Variants in RNF216 observed in about 807,000 individuals in gnomAD.
RNF216 encodes the protein E3 ubiquitin-protein ligase RNF216.
A neutral mutation model predicts 110.8 loss-of-function variants in RNF216; 72 were observed. That is an observed-to-expected ratio of 0.65 (90% CI 0.54 to 0.79). RNF216 has a LOEUF of 0.79. Ranked by LOEUF, RNF216 falls within the 30% of genes least tolerant of loss-of-function variation. RNF216 has a pLI of 0.00. For missense variants in RNF216, 1,342 were observed against 1,141.2 expected (o/e 1.18, Z -2.54); for synonymous variants, 495 against 407.5 (o/e 1.21, Z -2.59).
At chr7:5,631,022 T>C (rs1211029429) in intron 15 of RNF216, among the ~76,000 whole-genome samples, 2 of 152,242 alleles carry the variant, frequency 1.3e-5, no homozygotes, top group Non-Finnish European at 2.9e-5. Flanking sequence ...GCAACTGTTC[T>C]AAGGTGTGCT....
chr7:5,627,339 G>A (rs1786773416), intron 15 of RNF216, among the ~76,000 whole-genome samples: 1 of 152,242 alleles, frequency 6.6e-6, no homozygotes, highest in East Asian at 1.9e-4. Flanking sequence ...TGCAGACACA[G>A]TGAGGAGTGT....
In RNF216 at chr7:5,620,448, C is replaced by G. The variant is rs368171236; in HGVS notation, c.*2412G>C. 1 of 152,314 alleles carries G rather than the reference C, an allele frequency of 6.6e-6. No homozygotes were observed. Among genetic ancestry groups the G allele is most frequent in the East Asian group, 1.9e-4 (1 of 5,186 alleles). The allele number at this position is 152,314 out of a possible 1,614,324, so 9.4% of individuals were successfully genotyped here. On this transcript the variant is annotated 3_prime_UTR_variant, in exon 17 of 17. Coordinates refer to ENST00000389902, the MANE Select transcript of RNF216 (RefSeq NM_207111.4). ...GTCTGAAGACCCCCAGTGCTTCTCTCCCCAATGCTGTCACTGGTCCAGGCA... is the reference window on the plus strand; with the variant it reads ...GTCTGAAGACCCCCAGTGCTTCTCTGCCCAATGCTGTCACTGGTCCAGGCA...
At chr7:5,764,572 C>T (rs932028923) in intron 1 of RNF216, among the ~76,000 whole-genome samples, 19 of 150,998 alleles carry the variant, frequency 1.3e-4, no homozygotes, top group Admixed American at 6.6e-4. Flanking sequence ...CGCTTGAACC[C>T]GGGAGGCGGA....
rs189661572 is a variant in RNF216, at chr7:5,664,942, G to C, written c.2062-12432C>G. Among the ~76,000 whole-genome samples, 754 of 152,192 alleles carry C rather than the reference G, an allele frequency of 5.0e-3. 9 individuals carry two copies. The highest frequency in any genetic ancestry group is 0.035 in the Admixed American group (538 of 15,286). ...CTCCCAAGTAGCTGGGATTACAGGC[G>C]CCCGCCACCAGGCCTGGCTAATTTT... On this transcript the variant is annotated intron_variant, in intron 13 of 16. Transcript: ENST00000389902.
intron 14 of RNF216, among the ~76,000 whole-genome samples, chr7:5,642,231 G>A (rs897283578): frequency 8.8e-6 from 1 of 113,128 alleles, no homozygotes; most frequent in Admixed American, 9.4e-5. Context: ...TTTTTTTTTT[G>A]AGACAGAGTC....
rs762464972 is a variant in RNF216 at position 5,741,138 on chromosome 7, G to T, written c.879C>A (p.Ala293=). The part of the protein sequence containing the change: ...GISGPSSPQP[A]HPLGEFEDQQ... The stretch of plus-strand genomic sequence containing the variant: ...GGTCTTCAAACTCTCCTAGAGGATG[G>T]GCAGGCTGAGGAGAAGAGGGGCCTG... The change falls in exon 4 of 17, where the codon GCC becomes GCA. Residue 293 remains alanine, a synonymous_variant. Transcript: ENST00000389902. The T allele has an allele frequency of 6.2e-7, 1 of 1,614,114 alleles. No individual in the cohort carries two copies. Among genetic ancestry groups the T allele is most frequent in the Non-Finnish European group, 8.5e-7 (1 of 1,180,024 alleles).
chr7:5,678,583 T>C (rs940153183), intron 13 of RNF216, among the ~76,000 whole-genome samples: 1 of 152,222 alleles, frequency 6.6e-6, no homozygotes, highest in South Asian at 2.1e-4. Flanking sequence ...CTCTCCCAGC[T>C]TCAGCTTCCC....
intron 1 of RNF216, among the ~76,000 whole-genome samples, chr7:5,772,130 C>T (rs1457038684): frequency 1.3e-5 from 2 of 151,542 alleles, no homozygotes; most frequent in Non-Finnish European, 2.9e-5. Flanking sequence ...CTACTCAGGA[C>T]GCTGAGGCAG....
At chr7:5,648,041 C>G (rs1022795330) in intron 14 of RNF216, among the ~76,000 whole-genome samples, 1 of 152,076 alleles carries the variant, frequency 6.6e-6, no homozygotes, top group African/African-American at 2.4e-5. Flanking sequence ...TTGAGATGCA[C>G]AGAGCCACCT....
chr7:5,769,130 T>C (rs1010171564), intron 1 of RNF216, among the ~76,000 whole-genome samples: 2 of 151,706 alleles, frequency 1.3e-5, no homozygotes, highest in African/African-American at 4.8e-5. Flanking sequence ...CCTTTTTTTT[T>C]TTTTTTTTGA....
intron 13 of RNF216, among the ~76,000 whole-genome samples, chr7:5,710,440 A>G (rs1289974884): frequency 6.6e-6 from 1 of 152,026 alleles, no homozygotes; most frequent in African/African-American, 2.4e-5. Flanking sequence ...TCCCAATTGT[A>G]CATAAGCACT....
At position 5,641,188 on chromosome 7, in the gene RNF216, T is replaced by G; in HGVS notation, c.2348A>C (p.Glu783Ala). The change falls in exon 15 of 17, where the codon GAG (glutamate) becomes GCG (alanine). Residue 783 changes from glutamate (E) to alanine (A), a missense_variant. Coordinates refer to ENST00000389902, the MANE Select transcript of RNF216 (RefSeq NM_207111.4). ...GGTCCAGAGAGAGCATCTTGAACAC[T>G]CCTGGCAAGGGGCTCCTGGTGAGCG... The part of the protein sequence containing the change: ...HPRSPGAPCQ[E>A]CSRCSLWTDP... 6.2e-7 allele frequency: 1 copy of G among 1,614,178 alleles called. No individual in the cohort carries two copies. The highest frequency in any genetic ancestry group is 8.5e-7 in the Non-Finnish European group (1 of 1,180,026).
chr7:5,667,775 G>A (rs1043927122), intron 13 of RNF216, among the ~76,000 whole-genome samples: 2 of 152,192 alleles, frequency 1.3e-5, no homozygotes, highest in African/African-American at 2.4e-5. Flanking sequence ...CAGATTCCAG[G>A]AAGCCTCCTT....
intron 15 of RNF216, among the ~76,000 whole-genome samples, chr7:5,640,869 G>GT (rs2128567169): frequency 6.6e-6 from 1 of 152,298 alleles, no homozygotes; most frequent in African/African-American, 2.4e-5. Context: ...AGATACATGT[G>GT]TAAGTTTCCT....
At chr7:5,774,853 G>A (rs1014897863) in intron 1 of RNF216, among the ~76,000 whole-genome samples, 2 of 152,012 alleles carry the variant, frequency 1.3e-5, no homozygotes, top group African/African-American at 4.8e-5. Context: ...CCCCTCCAGA[G>A]TTCAAGTGAT....
chr7:5,629,378 T>C (rs1258914119), intron 15 of RNF216, among the ~76,000 whole-genome samples: 1 of 151,356 alleles, frequency 6.6e-6, no homozygotes, highest in Non-Finnish European at 1.5e-5. Context: ...GGTGGGAGGA[T>C]CACTAGAGCC....
At chr7:5,634,937 G>C (rs957097723) in intron 15 of RNF216, among the ~76,000 whole-genome samples, 1 of 152,146 alleles carries the variant, frequency 6.6e-6, no homozygotes, top group East Asian at 1.9e-4. Flanking sequence ...TTCATCCATG[G>C]GGAAAGAGTC....
At chr7:5,674,033 ATTT>A (rs77889305) in intron 13 of RNF216, among the ~76,000 whole-genome samples, 1 of 127,728 alleles carries the variant, frequency 7.8e-6, no homozygotes. Flanking sequence ...ATAATTTTCA[ATTT>A]TTTTTTTTTT....
intron 5 of RNF216, among the ~76,000 whole-genome samples, chr7:5,731,343 A>G (rs1562439980): frequency 6.6e-6 from 1 of 152,268 alleles, no homozygotes; most frequent in Non-Finnish European, 1.5e-5. Flanking sequence ...TCTATGAGCC[A>G]TTGAGTTACA....
Sources: allele counts gnomAD v4.1 joint callset (sites outside exome capture counted in the v4.1 genomes callset), GRCh38; gene constraint gnomAD v4.1.1; transcripts MANE v1.5; gene names NCBI Gene and HGNC (gene_info 2026-07-23, HGNC 2026-07-21).